The following PSD3 variants were observed in gnomAD, a reference collection of about 807,000 sequenced individuals.
The protein encoded by PSD3 is PH and SEC7 domain-containing protein 3.
In PSD3, 49 loss-of-function variants were observed where a neutral mutation model predicts 105.5. That is an observed-to-expected ratio of 0.46 (90% CI 0.37 to 0.59). The LOEUF (loss-of-function observed/expected upper bound fraction) is 0.59, where lower values mean the gene tolerates loss of function less well. Ranked by LOEUF, PSD3 falls within the 20% of genes least tolerant of loss-of-function variation. The probability of loss-of-function intolerance (pLI) is 0.00; values close to 1 mark genes in which losing one functional copy is unlikely to be tolerated. For synonymous variants in PSD3, 557 were observed against 457.8 expected (o/e 1.22, Z -2.77); for missense variants, 1,561 against 1,263.8 (o/e 1.24, Z -3.57).
chr8:18,903,381 C>G (rs1044997579), intron 2 of PSD3, among the ~76,000 whole-genome samples: 2 of 152,082 alleles, frequency 1.3e-5, no homozygotes, highest in African/African-American at 4.8e-5. Context: ...GCAGTGGCAG[C>G]AAGTACCTGG....
Position 18,728,063 on chromosome 8 carries a change from G to GAA in PSD3, c.2172+37384_2172+37385dup, listed in dbSNP as rs371653321. ...TGAATGAATGATTTTATGAAAAACA[G>GAA]AAAAAAAAAAGCGGAGAAAGGGAAG... On this transcript the variant is annotated intron_variant, in intron 9 of 15. Coordinates refer to ENST00000327040, the MANE Select transcript of PSD3 (RefSeq NM_015310.4). Among the ~76,000 whole-genome samples the GAA allele has an allele frequency of 3.5e-3, 503 of 145,546 alleles. 2 individuals are homozygous for GAA. Among genetic ancestry groups the GAA allele is most frequent in the African/African-American group, 0.012 (464 of 39,924 alleles).
intron 1 of PSD3, among the ~76,000 whole-genome samples, chr8:18,966,586 C>A (rs1255635356): frequency 5.5e-5 from 8 of 146,658 alleles, no homozygotes; most frequent in African/African-American, 1.3e-4. Context: ...AAAAAAAAAA[C>A]CAAAAAACAC....
intron 14 of PSD3, among the ~76,000 whole-genome samples, chr8:18,571,419 C>G (rs1802130749): frequency 6.6e-6 from 1 of 152,160 alleles, no homozygotes; most frequent in African/African-American, 2.4e-5. Context: ...GCCTCTCATC[C>G]TTTAAGCTGC....
chr8:18,608,213 C>G (rs1180469383), intron 11 of PSD3, among the ~76,000 whole-genome samples: 1 of 151,958 alleles, frequency 6.6e-6, no homozygotes, highest in Non-Finnish European at 1.5e-5. Context: ...AAGTGAGATC[C>G]TGTCTCAAAA....
intron 7 of PSD3, among the ~76,000 whole-genome samples, chr8:18,800,225 A>G (rs1306458930): frequency 6.6e-6 from 1 of 152,194 alleles, no homozygotes; most frequent in Non-Finnish European, 1.5e-5. Context: ...TTAGATTTGA[A>G]GAAGGTTCTA....
chr8:18,793,030 A>G (rs1339723580), intron 8 of PSD3, among the ~76,000 whole-genome samples: 3 of 152,226 alleles, frequency 2.0e-5, no homozygotes, highest in Non-Finnish European at 2.9e-5. Context: ...TTGTAGGGAC[A>G]TGGATGAAGC....
At chr8:18,976,308 CTTA>C (rs1824941480) in intron 1 of PSD3, among the ~76,000 whole-genome samples, 1 of 152,008 alleles carries the variant, frequency 6.6e-6, no homozygotes, top group African/African-American at 2.4e-5. Flanking sequence ...ATTGTATAAC[CTTA>C]TTATTAAATA....
chr8:18,745,991 C>T (rs1289498477), intron 9 of PSD3, among the ~76,000 whole-genome samples: 1 of 152,210 alleles, frequency 6.6e-6, no homozygotes, highest in African/African-American at 2.4e-5. Flanking sequence ...CAGACAGAGG[C>T]AGGTCCCCTG....
chr8:18,588,634 G>A (rs564266370), intron 12 of PSD3, among the ~76,000 whole-genome samples: 13 of 152,018 alleles, frequency 8.6e-5, no homozygotes, highest in Non-Finnish European at 1.5e-4. Context: ...ACCCAACTTT[G>A]CCCAAATGCA....
Position 18,535,649 on chromosome 8 carries a change from C to CA in PSD3, c.*93_*94insT, listed in dbSNP as rs1554506310. On this transcript the variant is annotated 3_prime_UTR_variant, in exon 16 of 16. Coordinates refer to ENST00000327040, the MANE Select transcript of PSD3 (RefSeq NM_015310.4). ...TACTAATGCACCGTTTTGTCACAGACTTTTTTTTTTTAAATATATTCACGG... is the reference window on the plus strand; with the variant it reads ...TACTAATGCACCGTTTTGTCACAGACATTTTTTTTTTTAAATATATTCACGG... The CA allele has an allele frequency of 2.3e-6, 2 of 867,610 alleles. No individual in the cohort carries two copies. The highest frequency in any genetic ancestry group is 3.5e-6 in the Non-Finnish European group (2 of 572,982). 53.7% of individuals were successfully genotyped at this position (867,610 alleles called of 1,614,324 possible). A position where few individuals can be genotyped will look rare whatever the true frequency, so the allele number is the denominator to read the frequency against.
At chr8:18,660,467 C>G (rs1196888355) in intron 9 of PSD3, among the ~76,000 whole-genome samples, 2 of 152,140 alleles carry the variant, frequency 1.3e-5, no homozygotes, top group African/African-American at 4.8e-5. Context: ...CTCTAGCGTA[C>G]TAGAGAATAG....
chr8:18,882,918 T>C (rs886612961), intron 2 of PSD3, among the ~76,000 whole-genome samples: 1 of 152,218 alleles, frequency 6.6e-6, no homozygotes, highest in African/African-American at 2.4e-5. Flanking sequence ...TATGTATGTC[T>C]GTATAGATAC....
chr8:18,982,091 T>C (rs1172401590), intron 1 of PSD3, among the ~76,000 whole-genome samples: 2 of 152,232 alleles, frequency 1.3e-5, no homozygotes, highest in Non-Finnish European at 2.9e-5. Flanking sequence ...ACTAAGTTTA[T>C]GGAATATTCT....
At chr8:18,635,655 C>G (rs1182692758) in intron 10 of PSD3, among the ~76,000 whole-genome samples, 1 of 151,994 alleles carries the variant, frequency 6.6e-6, no homozygotes, top group African/African-American at 2.4e-5. Flanking sequence ...CAATGATAGA[C>G]TGGATAAAGA....
intron 5 of PSD3, 37 bp from the exon 6 acceptor site, chr8:18,804,639 T>C (rs1811034816): frequency 2.5e-6 from 4 of 1,611,124 alleles, no homozygotes; most frequent in Non-Finnish European, 3.4e-6. Context: ...TATTGAAAGG[T>C]AAACTATTTA....
At chr8:19,074,366 C>T (rs1262075969) in intron 1 of PSD3, among the ~76,000 whole-genome samples, 3 of 151,958 alleles carry the variant, frequency 2.0e-5, no homozygotes, top group Non-Finnish European at 2.9e-5. Flanking sequence ...CTCCCGGGTC[C>T]GGGGGGTGCC....
rs372990535 is a variant in PSD3 at position 18,609,363 on chromosome 8, G to A, written c.2411-8929C>T. Among the ~76,000 whole-genome samples the A allele has an allele frequency of 1.3e-4, 20 of 152,262 alleles. 1 individual carries two copies. The South Asian group carries it at 3.9e-3, about 30-fold the overall frequency. ...ATATCTTGAATTTCCTGAGGTTAACGGAGAAAGATATTCACAATATAAAGC... is the reference window on the plus strand; with the variant it reads ...ATATCTTGAATTTCCTGAGGTTAACAGAGAAAGATATTCACAATATAAAGC... On this transcript the variant is annotated intron_variant, in intron 11 of 15. Coordinates refer to ENST00000327040, the MANE Select transcript of PSD3 (RefSeq NM_015310.4).
At chr8:18,603,678 G>C (rs1804600468) in intron 11 of PSD3, among the ~76,000 whole-genome samples, 1 of 152,142 alleles carries the variant, frequency 6.6e-6, no homozygotes, top group South Asian at 2.1e-4. Flanking sequence ...TAGCCTGGTG[G>C]GAGGTGATTG....
At chr8:18,950,425 T>C (rs1396478833) in intron 1 of PSD3, among the ~76,000 whole-genome samples, 1 of 152,164 alleles carries the variant, frequency 6.6e-6, no homozygotes, top group African/African-American at 2.4e-5. Flanking sequence ...TAAAATTATA[T>C]TCAAGGTGCT....
Sources: gnomAD v4.1 joint callset for allele counts (sites outside exome capture counted in the v4.1 genomes callset) on GRCh38, gnomAD v4.1.1 for gene constraint, MANE v1.5 for transcripts, NCBI Gene and HGNC (gene_info 2026-07-23, HGNC 2026-07-21) for gene names.